The following SYNPR variants were observed in gnomAD, a reference collection of about 807,000 sequenced individuals.
SYNPR encodes the protein synaptoporin.
In SYNPR, 23 loss-of-function variants were observed where a neutral mutation model predicts 32.9. That is an observed-to-expected ratio of 0.70 (90% confidence interval 0.50 to 0.99). SYNPR has a LOEUF of 0.99. SYNPR is among the 50% of genes least tolerant of loss of function. The pLI, the probability that SYNPR is intolerant of heterozygous loss-of-function variation, is 0.00. For missense variants in SYNPR, 318 were observed against 349.3 expected (o/e 0.91, Z 0.71); for synonymous variants, 146 against 135.9 (o/e 1.07, Z -0.52).
At chr3:63,205,116 G>C in the SYNPR span, among the ~76,000 whole-genome samples, 6 of 152,080 alleles carry the variant, frequency 3.9e-5, no homozygotes, top group Non-Finnish European at 8.8e-5. Flanking sequence ...TTATTCAACA[G>C]ACCTTGCCAG....
rs1203726036 is a variant in SYNPR, at chr3:63,494,410, T to TACAC, written c.209+13455_209+13456insCACA. On this transcript the variant is annotated intron_variant, in intron 3 of 5. Transcript: ENST00000478300. ...GTTAATTCTTATATATATATATATA[T>TACAC]ATATATACGTATATATATATATACG... 9.0e-5 allele frequency among the ~76,000 whole-genome samples: 11 copies of TACAC among 122,874 alleles called. No individual in the cohort carries two copies. In the South Asian group the frequency reaches 2.1e-3, roughly 23 times the overall value. 80.6% of individuals were successfully genotyped at this position (122,874 alleles called of 152,430 possible). A position where few individuals can be genotyped will look rare whatever the true frequency, so the allele number is the denominator to read the frequency against.
intron 2 of SYNPR, among the ~76,000 whole-genome samples, chr3:63,464,153 G>C (rs141338380): frequency 3.5e-4 from 53 of 152,242 alleles, no homozygotes; most frequent in African/African-American, 1.2e-3. Flanking sequence ...TCTGATGCTA[G>C]TTCTGTCATG....
intron 2 of SYNPR, among the ~76,000 whole-genome samples, chr3:63,300,347 AT>A (rs2086831780): frequency 2.0e-5 from 3 of 152,030 alleles, no homozygotes; most frequent in Non-Finnish European, 4.4e-5. Context: ...CTATCTATCT[AT>A]CTATCTACCA....
At chr3:63,443,810 A>C (rs1284912306) in intron 2 of SYNPR, among the ~76,000 whole-genome samples, 1 of 152,176 alleles carries the variant, frequency 6.6e-6, no homozygotes, top group East Asian at 1.9e-4. Context: ...TTAATATCCT[A>C]AATACATTCA....
intron 3 of SYNPR, among the ~76,000 whole-genome samples, chr3:63,535,807 G>A (rs1702194728): frequency 6.6e-6 from 1 of 151,762 alleles, no homozygotes; most frequent in African/African-American, 2.4e-5. Context: ...CATAGACCAT[G>A]TAAGAGCTAA....
At chr3:63,268,395 C>CA (rs2086509004) in intron 3 of SYNPR, among the ~76,000 whole-genome samples, 1 of 152,134 alleles carries the variant, frequency 6.6e-6, no homozygotes, top group South Asian at 2.1e-4. Context: ...ATTGACCCCC[C>CA]ACCAAAACTC....
chr3:63,606,413 C>CTTTTTT (rs1454337046), intron 4 of SYNPR, among the ~76,000 whole-genome samples: 2 of 63,452 alleles, frequency 3.2e-5, no homozygotes, highest in African/African-American at 9.8e-5. Flanking sequence ...ACCTCAAATC[C>CTTTTTT]TTTCTTTTTT....
At position 63,269,517 on chromosome 3, in the gene SYNPR, A is replaced by G. The variant is rs183936560; in HGVS notation, n.287+2068A>G. Among the ~76,000 whole-genome samples the G allele has an allele frequency of 5.2e-3, 788 of 152,126 alleles. 2 individuals are homozygous for G. The highest frequency in any genetic ancestry group is 7.2e-3 in the Non-Finnish European group (490 of 67,962). On this transcript the variant is annotated intron_variant and non_coding_transcript_variant, in intron 3 of 4. Coordinates refer to the SYNPR transcript ENST00000478456. ...AAAAAAGGAAAAGAAATGAAGACCA[A>G]TCCTAGAATTTATGTAACAGCCACT...
At chr3:63,280,864 G>C (rs770687228) in intron 2 of SYNPR, among the ~76,000 whole-genome samples, 1 of 152,226 alleles carries the variant, frequency 6.6e-6, no homozygotes, top group East Asian at 1.9e-4. Context: ...AGGCTCGAAG[G>C]AGGAAGGGCT....
At chr3:63,266,506 C>T (rs1243032393) in intron 2 of SYNPR, among the ~76,000 whole-genome samples, 1 of 151,754 alleles carries the variant, frequency 6.6e-6, no homozygotes, top group African/African-American at 2.4e-5. Flanking sequence ...AGTTCGAGAC[C>T]AGCCTGACCA....
upstream of SYNPR, among the ~76,000 whole-genome samples, chr3:63,224,814 C>T (rs1368894793): frequency 6.6e-6 from 1 of 152,302 alleles, no homozygotes; most frequent in East Asian, 1.9e-4. Context: ...GCTATGCCTA[C>T]TACAATTGTC....
chr3:63,590,764 T>C (rs1338357040), intron 4 of SYNPR, among the ~76,000 whole-genome samples: 3 of 113,444 alleles, frequency 2.6e-5, no homozygotes, highest in African/African-American at 9.8e-5. Context: ...TGTAGAAAGC[T>C]GAAACTGGAT....
intron 3 of SYNPR, among the ~76,000 whole-genome samples, chr3:63,501,022 T>C (rs753462524): frequency 1.3e-5 from 2 of 152,134 alleles, no homozygotes; most frequent in African/African-American, 4.8e-5. Context: ...GAAATAATGA[T>C]AGTTAATTGC....
chr3:63,458,321 C>T (rs1700521518), intron 2 of SYNPR, among the ~76,000 whole-genome samples: 1 of 152,098 alleles, frequency 6.6e-6, no homozygotes, highest in Non-Finnish European at 1.5e-5. Context: ...ACTCATGATT[C>T]TGTGGGTCAG....
intron 2 of SYNPR, chr3:63,443,334 T>C (rs1700215391): frequency 1.3e-6 from 2 of 1,523,230 alleles, no homozygotes; most frequent in South Asian, 2.5e-5. Flanking sequence ...CTTTGCTTCA[T>C]AAAAAGAGGG....
intron 2 of SYNPR, among the ~76,000 whole-genome samples, chr3:63,354,072 G>A (rs549167922): frequency 6.6e-6 from 1 of 152,168 alleles, no homozygotes; most frequent in African/African-American, 2.4e-5. Context: ...ACCTCTCTAT[G>A]CTTGAGTTTC....
chr3:63,506,866 C>A (rs1701598955), intron 3 of SYNPR, among the ~76,000 whole-genome samples: 1 of 152,144 alleles, frequency 6.6e-6, no homozygotes, highest in Non-Finnish European at 1.5e-5. Context: ...GCTATGAGAA[C>A]CTTGGCTTTA....
chr3:63,597,166 G>A (rs571791409), intron 4 of SYNPR, among the ~76,000 whole-genome samples: 167 of 152,152 alleles, frequency 1.1e-3, no homozygotes, highest in African/African-American at 3.9e-3. Context: ...TTTGTGGCTT[G>A]CATTAGATTT....
At chr3:63,489,255 C>G (rs140751693) in intron 3 of SYNPR, among the ~76,000 whole-genome samples, 1 of 152,150 alleles carries the variant, frequency 6.6e-6, no homozygotes, top group African/African-American at 2.4e-5. Flanking sequence ...TAAATCCATC[C>G]GGCAAGTGTT....
Sources: gnomAD v4.1 joint callset for allele counts (sites outside exome capture counted in the v4.1 genomes callset) on GRCh38, gnomAD v4.1.1 for gene constraint, MANE v1.5 for transcripts, NCBI Gene and HGNC (gene_info 2026-07-23, HGNC 2026-07-21) for gene names.